The following SNED1 variants were observed in gnomAD, a reference collection of about 807,000 sequenced individuals.
The protein encoded by SNED1 is sushi, nidogen and EGF like domains 1.
A neutral mutation model predicts 166.7 loss-of-function variants in SNED1; 81 were observed. The observed-to-expected ratio is 0.49, with a 90% confidence interval of 0.41 to 0.58. The LOEUF (loss-of-function observed/expected upper bound fraction) is 0.58, where lower values mean the gene tolerates loss of function less well. SNED1 is among the 20% of genes least tolerant of loss of function. The pLI, the probability that SNED1 is intolerant of heterozygous loss-of-function variation, is 0.00. For synonymous variants in SNED1, 762 were observed against 822.0 expected, an observed-to-expected ratio of 0.93 and a Z score of 1.25; for missense variants, 1,604 against 2,000.2, an observed-to-expected ratio of 0.80 and a Z score of 3.78.
rs1267425843 is a variant in SNED1, at chr2:241,037,140, G to A, written c.932-100G>A. The A allele has an allele frequency of 1.8e-5, 20 of 1,129,648 alleles. No individual in the cohort carries two copies. The Admixed American group carries it at 2.1e-4, about 12-fold the overall frequency. 70.0% of individuals were successfully genotyped at this position (1,129,648 alleles called of 1,614,324 possible). ...TTGCTGCCCTCTCTGAGCCAATCTC[G>A]GGCTTGCTCCTCCTCCGTCCCCGGC... On this transcript the variant is annotated intron_variant, in intron 5 of 31. Coordinates refer to ENST00000310397, the MANE Select transcript of SNED1 (RefSeq NM_001080437.3).
chr2:241,078,180 C>A (rs1489554686), intron 27 of SNED1, among the ~76,000 whole-genome samples: 1 of 149,692 alleles, frequency 6.7e-6, no homozygotes, highest in Non-Finnish European at 1.5e-5. Flanking sequence ...GTCAGGCGTT[C>A]GAGACAAGTC....
chr2:241,090,793 G>A (rs2063909422), intron 31 of SNED1, among the ~76,000 whole-genome samples: 1 of 151,362 alleles, frequency 6.6e-6, no homozygotes, highest in Non-Finnish European at 1.5e-5. Flanking sequence ...CTTGAACTTG[G>A]AAGGCAGAGG....
Position 241,005,779 on chromosome 2 carries a change from C to T in SNED1, c.213+6729C>T, listed in dbSNP as rs187842354. Among the ~76,000 whole-genome samples, 38 of 152,100 alleles carry T rather than the reference C, an allele frequency of 2.5e-4. No homozygotes were observed. The East Asian group carries it at 6.2e-3, about 25-fold the overall frequency. On this transcript the variant is annotated intron_variant, in intron 1 of 31. Transcript: ENST00000310397. ...AGTCTGCTGTCATTCCCATCTTTGT[C>T]CCTCCGCATATGCATCTTTTTTCTC... is the stretch of plus-strand genomic sequence containing the variant.
intron 2 of SNED1, among the ~76,000 whole-genome samples, chr2:241,031,149 T>C (rs900452531): frequency 5.3e-5 from 8 of 152,110 alleles, no homozygotes; most frequent in Admixed American, 5.2e-4. Context: ...CAGAGCTGTT[T>C]GTTCATGCAT....
intron 31 of SNED1, among the ~76,000 whole-genome samples, chr2:241,089,698 T>C (rs1197204639): frequency 6.6e-6 from 1 of 152,238 alleles, no homozygotes; most frequent in East Asian, 1.9e-4. Flanking sequence ...TTGTAAGCAA[T>C]TTCCTACAGC....
chr2:241,021,107 G>T (rs1415739833), intron 1 of SNED1, among the ~76,000 whole-genome samples: 7 of 152,188 alleles, frequency 4.6e-5, no homozygotes, highest in African/African-American at 7.2e-5. Context: ...CATAGGAATT[G>T]GGGGCTCAGC....
chr2:241,039,738 G>GT (rs2061469859), intron 6 of SNED1, among the ~76,000 whole-genome samples: 1 of 152,174 alleles, frequency 6.6e-6, no homozygotes, highest in Non-Finnish European at 1.5e-5. Flanking sequence ...TCTTCTCACA[G>GT]TCCACTTGGA....
chr2:241,064,024 G>T lies in SNED1; in HGVS notation c.2498G>T (p.Cys833Phe). Residue 833 changes from cysteine (C) to phenylalanine (F), a missense_variant, in exon 19 of 32, where the codon TGC becomes TTC. Physicochemically the swap from Cys to Phe is radical, Grantham distance 205 (BLOSUM62 -2). Coordinates refer to ENST00000310397, the MANE Select transcript of SNED1 (RefSeq NM_001080437.3). The surrounding 1 kb of genome is among the most constrained non-coding windows in gnomAD (Gnocchi z 7.0). The stretch of plus-strand genomic sequence containing the variant: ...GGGTGTTCTCCAGAGGTGGACGCCT[G>T]CGACTCCAGCCCCTGCCAGCATGGA... ...GVHCETEVDA[C>F]DSSPCQHGGR... The T allele has an allele frequency of 6.4e-7, 1 of 1,554,750 alleles. No individual in the cohort carries two copies. Among genetic ancestry groups the T allele is most frequent in the Non-Finnish European group, 8.7e-7 (1 of 1,149,736 alleles).
chr2:241,000,694 G>A (rs1389569689), intron 1 of SNED1, among the ~76,000 whole-genome samples: 1 of 152,210 alleles, frequency 6.6e-6, no homozygotes, highest in Non-Finnish European at 1.5e-5. Flanking sequence ...GCTCTAACGT[G>A]GGAAGATCTG....
chr2:241,065,692 C>G, intron 21 of SNED1, 97 bp downstream of exon 21: 1 of 1,039,444 alleles, frequency 9.6e-7, no homozygotes, highest in Admixed American at 2.5e-5. Context: ...TGCCGTCCAC[C>G]CTCCTAGTTC....
intron 16 of SNED1, among the ~76,000 whole-genome samples, chr2:241,059,937 G>A (rs996092828): frequency 6.6e-6 from 1 of 152,046 alleles, no homozygotes; most frequent in African/African-American, 2.4e-5. Flanking sequence ...ATAAAAGGAA[G>A]GAAAGGAAGA....
chr2:241,002,801 C>T (rs1405543744), intron 1 of SNED1, among the ~76,000 whole-genome samples: 2 of 152,124 alleles, frequency 1.3e-5, no homozygotes, highest in East Asian at 3.9e-4. Flanking sequence ...GGGACCCAAA[C>T]AGAAGTCCTG....
intron 29 of SNED1, among the ~76,000 whole-genome samples, chr2:241,083,055 G>A (rs1026957888): frequency 6.6e-6 from 1 of 150,962 alleles, no homozygotes; most frequent in African/African-American, 2.4e-5. Flanking sequence ...CAGATGAGGG[G>A]ACAGACAACA....
chr2:241,063,410 A>G, intron 17 of SNED1, 177 bp from the exon 18 acceptor site: 1 of 619,122 alleles, frequency 1.6e-6, no homozygotes, highest in Non-Finnish European at 3.0e-6. Context: ...TGGAGGTGGC[A>G]CGCCTCCCGA....
At chr2:241,063,016 C>G in intron 17 of SNED1, 112 bp downstream of exon 17, 1 of 658,782 alleles carries the variant, frequency 1.5e-6, no homozygotes, top group Non-Finnish European at 2.6e-6. Flanking sequence ...GTGGCCACTG[C>G]ATGCTTTCTC....
chr2:241,089,834 G>A (rs530191385), intron 31 of SNED1: 5 of 1,365,386 alleles, frequency 3.7e-6, no homozygotes, highest in Non-Finnish European at 4.9e-6. Flanking sequence ...CACCTAGGCT[G>A]TGTGGCAGAG....
At chr2:241,019,692 G>C (rs984367805) in intron 1 of SNED1, among the ~76,000 whole-genome samples, 1 of 152,182 alleles carries the variant, frequency 6.6e-6, no homozygotes, top group East Asian at 1.9e-4. Flanking sequence ...AGCGCGGTCC[G>C]ATCGGAGAGC....
chr2:241,071,358 A>G (rs895560977), intron 24 of SNED1: 3 of 603,420 alleles, frequency 5.0e-6, no homozygotes, highest in African/African-American at 3.7e-5. Context: ...ATGGCTGCGC[A>G]TGGCTCCTCC....
rs1363916792 is a variant in SNED1 at position 240,999,546 on chromosome 2, C to T, written c.213+496C>T. Among the ~76,000 whole-genome samples, 2 of 152,212 alleles carry T rather than the reference C, an allele frequency of 1.3e-5. No homozygotes were observed. The highest frequency in any genetic ancestry group is 4.8e-5 in the African/African-American group (2 of 41,444). On this transcript the variant is annotated intron_variant, in intron 1 of 31. Coordinates refer to ENST00000310397, the MANE Select transcript of SNED1 (RefSeq NM_001080437.3). This position sits in a 1 kb window ranked among gnomAD's most constrained non-coding sequence, Gnocchi z 5.8. ...CAGGAGGCTGGACCCCTTGCCCAGG[C>T]GCTCAGGGCAGGGCCTGCTTCTTCG...
Sources: allele counts gnomAD v4.1 joint callset (sites outside exome capture counted in the v4.1 genomes callset), GRCh38; gene constraint gnomAD v4.1.1; non-coding constraint Gnocchi (gnomAD v3.1); transcripts MANE v1.5; gene names NCBI Gene and HGNC (gene_info 2026-07-23, HGNC 2026-07-21).